LINGO2: variants seen among roughly 807,000 people sequenced by gnomAD.
The protein encoded by LINGO2 is leucine rich repeat and Ig domain containing 2.
In LINGO2, 14 loss-of-function variants were observed where a neutral mutation model predicts 30.6. That is an observed-to-expected ratio of 0.46 (90% CI 0.30 to 0.72). The LOEUF is 0.72. LINGO2 is among the 30% of genes least tolerant of loss of function. The pLI is 0.07. For synonymous variants in LINGO2, 317 were observed against 288.5 expected, an observed-to-expected ratio of 1.10 and a Z score of -1.00; for missense variants, 729 against 751.7, an observed-to-expected ratio of 0.97 and a Z score of 0.35.
chr9:27,967,179 T>C (rs986643935), intron 5 of LINGO2, among the ~76,000 whole-genome samples: 5 of 152,178 alleles, frequency 3.3e-5, no homozygotes, highest in Non-Finnish European at 7.3e-5. Flanking sequence ...TTCTACCAGC[T>C]TCTGTAACAG....
At chr9:28,509,054 T>C (rs755190697) in intron 1 of LINGO2, among the ~76,000 whole-genome samples, 6 of 152,188 alleles carry the variant, frequency 3.9e-5, no homozygotes, top group Non-Finnish European at 7.4e-5. Flanking sequence ...GTATTGTACT[T>C]ATACTTCTCC....
intron 5 of LINGO2, among the ~76,000 whole-genome samples, chr9:27,983,090 CCTAAT>C (rs778528813): frequency 1.5e-4 from 23 of 151,712 alleles, no homozygotes; most frequent in Non-Finnish European, 3.1e-4. Context: ...TTTCATACGT[CCTAAT>C]CTAACTATTA....
intron 2 of LINGO2, among the ~76,000 whole-genome samples, chr9:28,417,181 C>G (rs1190012050): frequency 6.6e-6 from 1 of 152,106 alleles, no homozygotes; most frequent in African/African-American, 2.4e-5. Context: ...AGGACTCTGG[C>G]AAGGCCAACT....
chr9:27,949,355 C>T (rs147302902), exon 6 of LINGO2: 2 of 1,613,992 alleles, frequency 1.2e-6, no homozygotes, highest in Non-Finnish European at 1.7e-6. Flanking sequence ...AAATCACAGG[C>T]TGCGGGTCTC....
At chr9:28,330,281 T>G in intron 3 of LINGO2, among the ~76,000 whole-genome samples, 1 of 152,186 alleles carries the variant, frequency 6.6e-6, no homozygotes, top group Admixed American at 6.5e-5. Context: ...AGAAATAAAT[T>G]TCTGTTGTTT....
At chr9:28,870,959 T>C in the LINGO2 span, among the ~76,000 whole-genome samples, 1 of 151,990 alleles carries the variant, frequency 6.6e-6, no homozygotes, top group Non-Finnish European at 1.5e-5. Context: ...CCATGTTTTT[T>C]TGTACTACAT....
At chr9:28,261,818 T>C (rs1463564299) in intron 4 of LINGO2, among the ~76,000 whole-genome samples, 5 of 151,948 alleles carry the variant, frequency 3.3e-5, no homozygotes, top group Non-Finnish European at 5.9e-5. Flanking sequence ...TAAGCTGTCA[T>C]AACAGTGGGT....
intron 4 of LINGO2, among the ~76,000 whole-genome samples, chr9:28,132,863 G>A (rs536225890): frequency 1.2e-4 from 19 of 152,300 alleles, no homozygotes; most frequent in Middle Eastern, 6.8e-3. Flanking sequence ...GGGCACTTAC[G>A]TGAATAGTGA....
At chr9:29,112,434 C>T in the LINGO2 span, among the ~76,000 whole-genome samples, 1 of 152,120 alleles carries the variant, frequency 6.6e-6, no homozygotes, top group African/African-American at 2.4e-5. Flanking sequence ...ACTGTCCTTC[C>T]CAATCCATGA....
chr9:28,637,720 G>A (rs1259095623), intron 1 of LINGO2, among the ~76,000 whole-genome samples: 1 of 152,020 alleles, frequency 6.6e-6, no homozygotes, highest in Non-Finnish European at 1.5e-5. Flanking sequence ...GGAGATTTTG[G>A]GCTGAGACAA....
the LINGO2 span, among the ~76,000 whole-genome samples, chr9:28,942,560 T>C: frequency 2.9e-3 from 440 of 152,302 alleles, 1 homozygote; most frequent in Non-Finnish European, 5.8e-3. Context: ...GTTTTCTCTG[T>C]CTGAGTCTGT....
intron 4 of LINGO2, among the ~76,000 whole-genome samples, chr9:28,128,259 T>C (rs1827293590): frequency 6.6e-6 from 1 of 152,194 alleles, no homozygotes; most frequent in South Asian, 2.1e-4. Flanking sequence ...GAACCATTGT[T>C]TCCTGACTCC....
intron 5 of LINGO2, among the ~76,000 whole-genome samples, chr9:28,008,969 G>A (rs1822410323): frequency 6.6e-6 from 1 of 152,002 alleles, no homozygotes; most frequent in Non-Finnish European, 1.5e-5. Context: ...ACAATCTCAA[G>A]AAAGAATATA....
intron 1 of LINGO2, among the ~76,000 whole-genome samples, chr9:28,615,531 T>C (rs1007764409): frequency 2.0e-5 from 3 of 152,154 alleles, no homozygotes; most frequent in Non-Finnish European, 4.4e-5. Context: ...TGTTAAATCA[T>C]TGAATCCGTA....
At chr9:29,082,576 A>T in the LINGO2 span, among the ~76,000 whole-genome samples, 7 of 151,864 alleles carry the variant, frequency 4.6e-5, no homozygotes, top group Non-Finnish European at 8.8e-5. Flanking sequence ...CCAAAATTGA[A>T]AAATGGGATC....
At chr9:29,059,397 C>T in the LINGO2 span, among the ~76,000 whole-genome samples, 1 of 142,180 alleles carries the variant, frequency 7.0e-6, no homozygotes, top group East Asian at 2.2e-4. Flanking sequence ...TACTATGTAC[C>T]CACAAAGATT....
chr9:28,565,926 G>A (rs1823357700), intron 1 of LINGO2, among the ~76,000 whole-genome samples: 1 of 152,024 alleles, frequency 6.6e-6, no homozygotes, highest in African/African-American at 2.4e-5. Context: ...AGACACTCTT[G>A]GGGCTTTACA....
the LINGO2 span, among the ~76,000 whole-genome samples, chr9:29,012,428 C>G: frequency 1.3e-5 from 2 of 152,034 alleles, no homozygotes; most frequent in Non-Finnish European, 1.5e-5. Context: ...CCTAAGTTCA[C>G]CTAGTGAGTT....
At chr9:29,164,043 T>C in the LINGO2 span, among the ~76,000 whole-genome samples, 1 of 151,188 alleles carries the variant, frequency 6.6e-6, no homozygotes, top group African/African-American at 2.4e-5. Flanking sequence ...CTTAGTATGC[T>C]ACTGAAAGGA....
Sources: allele counts gnomAD v4.1 joint callset (sites outside exome capture counted in the v4.1 genomes callset), GRCh38; gene constraint gnomAD v4.1.1; transcripts MANE v1.5; gene names NCBI Gene and HGNC (gene_info 2026-07-23, HGNC 2026-07-21).